EYA1: variants seen among roughly 807,000 people sequenced by gnomAD.
The protein encoded by EYA1 is EYA transcriptional coactivator and phosphatase 1, also known as protein phosphatase EYA1.
Under a neutral mutation model 82.0 loss-of-function variants are expected in EYA1, and 16 were observed. The ratio of observed to expected loss-of-function variants is 0.20; its 90% confidence interval spans 0.13 to 0.30. The LOEUF (loss-of-function observed/expected upper bound fraction) is 0.30. Among genes scored for constraint, EYA1 ranks in the 10% least tolerant of loss-of-function variants. The pLI is 1.00. For missense variants in EYA1, 633 were observed against 730.7 expected (o/e 0.87, Z 1.54); for synonymous variants, 261 against 264.4 (o/e 0.99, Z 0.12).
At chr8:71,398,563 C>G (rs1269861687) in intron 2 of EYA1, among the ~76,000 whole-genome samples, 2 of 152,206 alleles carry the variant, frequency 1.3e-5, no homozygotes, top group East Asian at 3.9e-4. Context: ...GAGGTCCACT[C>G]CAGACCCTCT....
In EYA1 at chr8:71,198,062, T is replaced by C. The variant is rs186050949; in HGVS notation, c.*1278A>G. 3 of 152,352 alleles carry C rather than the reference T, an allele frequency of 2.0e-5. No individual in the cohort carries two copies. The highest frequency in any genetic ancestry group is 2.0e-4 in the Admixed American group (3 of 15,298). 9.4% of individuals were successfully genotyped at this position (152,352 alleles called of 1,614,324 possible). On this transcript the variant is annotated 3_prime_UTR_variant, in exon 18 of 18. Transcript: ENST00000340726. ...AGGGAGTAATGCAAAGTTTGCTGAT[T>C]TCCGGATTAGCATCGTGTGTCTTCC...
chr8:71,470,964 C>T (rs993169757), intron 2 of EYA1: 1 of 434,256 alleles, frequency 2.3e-6, no homozygotes, highest in African/African-American at 2.1e-5. Flanking sequence ...GGGAGAAAAA[C>T]CTTACCCAGC....
At chr8:71,459,966 A>G (rs1298024795) in intron 2 of EYA1, among the ~76,000 whole-genome samples, 4 of 152,204 alleles carry the variant, frequency 2.6e-5, no homozygotes, top group Non-Finnish European at 5.9e-5. Flanking sequence ...AAGAATTTTC[A>G]AAATTGATTT....
At chr8:71,481,170 T>C (rs1810124379) in intron 2 of EYA1, among the ~76,000 whole-genome samples, 1 of 152,144 alleles carries the variant, frequency 6.6e-6, no homozygotes, top group Non-Finnish European at 1.5e-5. Context: ...TTAGAAAAGT[T>C]AAAAAAAGTT....
At chr8:71,311,465 A>G (rs762919445) in intron 7 of EYA1, among the ~76,000 whole-genome samples, 5 of 152,226 alleles carry the variant, frequency 3.3e-5, no homozygotes, top group Non-Finnish European at 7.3e-5. Flanking sequence ...TATTGTTTGC[A>G]GAACTGACCC....
At chr8:71,259,244 C>G (rs1318888953) in intron 11 of EYA1, among the ~76,000 whole-genome samples, 3 of 152,130 alleles carry the variant, frequency 2.0e-5, no homozygotes, top group Non-Finnish European at 4.4e-5. Flanking sequence ...AATCCTCCCT[C>G]TCCCGCACAG....
intron 3 of EYA1, among the ~76,000 whole-genome samples, chr8:71,341,724 T>C (rs556903788): frequency 2.6e-5 from 4 of 152,318 alleles, no homozygotes; most frequent in Non-Finnish European, 5.9e-5. Flanking sequence ...GTTAAGGTCA[T>C]CTTCTTTATC....
At chr8:71,432,268 A>T (rs979662160) in intron 2 of EYA1, among the ~76,000 whole-genome samples, 1 of 152,234 alleles carries the variant, frequency 6.6e-6, no homozygotes, top group Non-Finnish European at 1.5e-5. Flanking sequence ...ATTGCATTTT[A>T]GAATCTAAGC....
intron 2 of EYA1, among the ~76,000 whole-genome samples, chr8:71,400,725 T>A (rs1829910732): frequency 6.6e-6 from 1 of 152,234 alleles, no homozygotes; most frequent in Non-Finnish European, 1.5e-5. Context: ...GAAGACAGTG[T>A]GGCAATTCCT....
intron 12 of EYA1, among the ~76,000 whole-genome samples, chr8:71,222,422 T>C (rs1810041085): frequency 6.6e-6 from 1 of 152,198 alleles, no homozygotes; most frequent in Non-Finnish European, 1.5e-5. Flanking sequence ...CAGCCCGCTG[T>C]TCCCAGTCAG....
chr8:71,402,285 C>T (rs138924275), intron 2 of EYA1, among the ~76,000 whole-genome samples: 237 of 152,162 alleles, frequency 1.6e-3, no homozygotes, highest in African/African-American at 4.7e-3. Flanking sequence ...TTCAAAAAGA[C>T]GAAGTCCAGG....
intron 2 of EYA1, among the ~76,000 whole-genome samples, chr8:71,469,872 C>G (rs186427003): frequency 1.3e-5 from 2 of 152,078 alleles, no homozygotes; most frequent in Non-Finnish European, 2.9e-5. Context: ...AATGAAGACT[C>G]AAGAAATGGG....
At chr8:71,220,843 G>A (rs1809812233) in intron 12 of EYA1, among the ~76,000 whole-genome samples, 2 of 152,200 alleles carry the variant, frequency 1.3e-5, no homozygotes, top group African/African-American at 2.4e-5. Flanking sequence ...GGAGGTAGGA[G>A]GAAGGAGCCA....
intron 2 of EYA1, among the ~76,000 whole-genome samples, chr8:71,407,881 G>C (rs1444840934): frequency 6.7e-6 from 1 of 149,984 alleles, no homozygotes; most frequent in African/African-American, 2.4e-5. Context: ...ACACCACAAA[G>C]ATACTCCTTG....
At chr8:71,424,998 C>T (rs1195349404) in intron 2 of EYA1, among the ~76,000 whole-genome samples, 4 of 151,218 alleles carry the variant, frequency 2.6e-5, no homozygotes, top group Non-Finnish European at 4.4e-5. Context: ...CGGTGGCTCA[C>T]GCCTGTAATC....
At chr8:71,244,746 G>A (rs761150345) in intron 11 of EYA1, 54 bp from the exon 12 acceptor site, 1 of 1,066,028 alleles carries the variant, frequency 9.4e-7, no homozygotes, top group Non-Finnish European at 1.4e-6. Flanking sequence ...TTACATGAAA[G>A]AGAGTGTCTC....
At chr8:71,277,932 A>G (rs1326074930) in intron 9 of EYA1, among the ~76,000 whole-genome samples, 2 of 152,236 alleles carry the variant, frequency 1.3e-5, no homozygotes, top group African/African-American at 4.8e-5. Flanking sequence ...ATTAAAATCC[A>G]CATAAGATAA....
chr8:71,356,577 A>G, intron 1 of EYA1, 66 bp from the exon 2 acceptor site: 1 of 1,532,616 alleles, frequency 6.5e-7, no homozygotes, highest in African/African-American at 1.4e-5. Flanking sequence ...TCTTAATTAT[A>G]CAGAGCACAT....
intron 9 of EYA1, among the ~76,000 whole-genome samples, chr8:71,294,279 G>A (rs1248218147): frequency 6.6e-6 from 1 of 152,078 alleles, no homozygotes; most frequent in Non-Finnish European, 1.5e-5. Flanking sequence ...CTAACACAGT[G>A]AAACCCCGTC....
Sources: allele counts gnomAD v4.1 joint callset (sites outside exome capture counted in the v4.1 genomes callset), GRCh38; gene constraint gnomAD v4.1.1; transcripts MANE v1.5; gene names NCBI Gene and HGNC (gene_info 2026-07-23, HGNC 2026-07-21).